The following ANTXRL variants were observed in gnomAD, a reference collection of about 807,000 sequenced individuals.
The protein encoded by ANTXRL is anthrax toxin receptor-like.
A neutral mutation model predicts 75.4 loss-of-function variants in ANTXRL; 63 were observed. That is an observed-to-expected ratio of 0.84 (90% CI 0.68 to 1.03). The LOEUF (loss-of-function observed/expected upper bound fraction) is 1.03. Among genes scored for constraint, ANTXRL ranks in the 50% least tolerant of loss-of-function variants. The probability of loss-of-function intolerance (pLI) is 0.00; values close to 1 mark genes in which losing one functional copy is unlikely to be tolerated. For missense variants in ANTXRL, 797 were observed against 789.4 expected (o/e 1.01, Z -0.12); for synonymous variants, 335 against 291.3 (o/e 1.15, Z -1.53).
Position 46,287,288 on chromosome 10 carries a change from C to T in ANTXRL, c.26C>T (p.Pro9Leu). ...ATGGGGAGCCATGAGTCCCTGGGGC[C>T]CTACTTCCTGGTCTTCCTGCTGCTG... MGSHESLG[P>L]YFLVFLLLLL... is the part of the protein sequence containing the mutation. The change falls in exon 1 of 17, where the codon CCC (proline) becomes CTC (leucine). Residue 9 changes from proline (P) to leucine (L), a missense_variant. Pro to Leu is a moderately conservative substitution (Grantham distance 98). Coordinates refer to ENST00000620264, the MANE Select transcript of ANTXRL (RefSeq NM_001278688.3). The T allele has an allele frequency of 6.5e-7, 1 of 1,535,848 alleles. No homozygotes were observed. Among genetic ancestry groups the T allele is most frequent in the Non-Finnish European group, 8.7e-7 (1 of 1,146,738 alleles).
intron 16 of ANTXRL, 47 bp downstream of exon 16, chr10:46,313,363 T>G: frequency 6.6e-7 from 1 of 1,506,218 alleles, no homozygotes; most frequent in Non-Finnish European, 8.9e-7. Flanking sequence ...AGGCCACTGC[T>G]TTTCCCCTGA....
intron 16 of ANTXRL, among the ~76,000 whole-genome samples, chr10:46,316,345 C>G (rs1554964660): frequency 6.6e-6 from 1 of 152,046 alleles, no homozygotes; most frequent in African/African-American, 2.4e-5. Context: ...ATTCCACAAA[C>G]TAATATATGC....
chr10:46,308,497 A>G, intron 12 of ANTXRL: 2 of 448,874 alleles, frequency 4.5e-6, no homozygotes, highest in Middle Eastern at 3.3e-4. Context: ...GGAAGGCCTG[A>G]GCAGCCTGCC....
intron 12 of ANTXRL, 50 bp from the exon 13 acceptor site, chr10:46,309,063 C>A (rs781818948): frequency 1.0e-5 from 16 of 1,534,620 alleles, no homozygotes; most frequent in Admixed American, 2.0e-5. Flanking sequence ...GTGGTGGGCA[C>A]GGGGAAGAGG....
At chr10:46,294,498 C>G (rs376949998) in intron 3 of ANTXRL, among the ~76,000 whole-genome samples, 2 of 152,054 alleles carry the variant, frequency 1.3e-5, no homozygotes, top group South Asian at 4.1e-4. Flanking sequence ...CCTGTTTGGC[C>G]GGAGGTGAGG....
intron 16 of ANTXRL, among the ~76,000 whole-genome samples, chr10:46,329,037 A>C (rs1839362985): frequency 6.6e-6 from 1 of 152,190 alleles, no homozygotes; most frequent in Admixed American, 6.5e-5. Flanking sequence ...TGTGGCTTGC[A>C]GCTGTGTGGG....
At chr10:46,304,578 T>C (rs1837958048) in intron 10 of ANTXRL, among the ~76,000 whole-genome samples, 2 of 152,182 alleles carry the variant, frequency 1.3e-5, no homozygotes, top group African/African-American at 4.8e-5. Flanking sequence ...TTTTGTGATA[T>C]TTTTGTTATC....
At chr10:46,300,307 C>T (rs782316342) in intron 9 of ANTXRL, among the ~76,000 whole-genome samples, 1 of 152,156 alleles carries the variant, frequency 6.6e-6, no homozygotes, top group Non-Finnish European at 1.5e-5. Flanking sequence ...ACAGAATGAG[C>T]CCTCTCAGCA....
At position 46,329,622 on chromosome 10, in the gene ANTXRL, T is replaced by C. The variant is rs563507335; in HGVS notation, c.1434T>C (p.Leu478=). 26 of 1,536,420 alleles carry C rather than the reference T, an allele frequency of 1.7e-5. No homozygotes were observed. The South Asian group carries it at 3.0e-4, about 18-fold the overall frequency. Residue 478 remains leucine, a synonymous_variant, in exon 17 of 17, where the codon CTT becomes CTC. Transcript: ENST00000620264. The part of the protein sequence containing the change: ...RDQGRYLSLA[L]AQSQYAQAPC... ...AGGGGAGGTACCTCAGCTTAGCCCT[T>C]GCACAGTCCCAATATGCACAGGCTC...
chr10:46,293,136 T>C (rs72790448), intron 2 of ANTXRL: 25,518 of 152,926 alleles, frequency 0.17, 1,814 homozygotes, highest in Non-Finnish European at 0.19. Context: ...TGCAGGTGCC[T>C]GAGTGTGGGT....
At chr10:46,315,360 T>G (rs1374726796) in intron 16 of ANTXRL, among the ~76,000 whole-genome samples, 4 of 152,206 alleles carry the variant, frequency 2.6e-5, no homozygotes, top group Admixed American at 2.0e-4. Context: ...CAGGCTTGGA[T>G]GGGTGGCTCG....
At position 46,329,411 on chromosome 10, in the gene ANTXRL, G is replaced by C. The variant is rs116742057; in HGVS notation, c.1411-188G>C. ...GAGGAAGAGGGGACTTTGAACGCTG[G>C]AGCTGAGTCTGGAAGGAGGAGTCCA... On this transcript the variant is annotated intron_variant, in intron 16 of 16. Transcript: ENST00000620264. 9.9e-3 allele frequency among the ~76,000 whole-genome samples: 1,509 copies of C among 152,226 alleles called. 36 individuals carry two copies. Among genetic ancestry groups the C allele is most frequent in the African/African-American group, 0.032 (1,348 of 41,540 alleles).
At chr10:46,312,923 T>G (rs1482251706) in intron 15 of ANTXRL, among the ~76,000 whole-genome samples, 2 of 152,138 alleles carry the variant, frequency 1.3e-5, no homozygotes, top group African/African-American at 4.8e-5. Flanking sequence ...CAGGCCTAAC[T>G]CATGCTCCCC....
chr10:46,314,428 C>T (rs1838607485), intron 16 of ANTXRL, among the ~76,000 whole-genome samples: 1 of 152,044 alleles, frequency 6.6e-6, no homozygotes, highest in South Asian at 2.1e-4. Context: ...GCCTTATGCA[C>T]TGAACAGGTG....
intron 1 of ANTXRL, among the ~76,000 whole-genome samples, chr10:46,289,244 C>T (rs1836885190): frequency 6.6e-6 from 1 of 152,080 alleles, no homozygotes; most frequent in Admixed American, 6.6e-5. Flanking sequence ...CTATTCTTGG[C>T]CAGGTGACAT....
intron 13 of ANTXRL, among the ~76,000 whole-genome samples, chr10:46,309,562 G>A (rs1192220329): frequency 5.9e-5 from 9 of 152,350 alleles, no homozygotes; most frequent in Non-Finnish European, 8.8e-5. Flanking sequence ...GCCAGGAGGT[G>A]GCCTCTGTGT....
chr10:46,315,772 T>C (rs1340547693), intron 16 of ANTXRL, among the ~76,000 whole-genome samples: 3 of 152,176 alleles, frequency 2.0e-5, no homozygotes, highest in Non-Finnish European at 4.4e-5. Flanking sequence ...TTTCAGCAAA[T>C]CCAAACATTT....
Position 46,287,391 on chromosome 10 carries a change from G to T in ANTXRL, c.129G>T (p.Leu43=). ...CTGACTGGAGAATATTTCACCGCCT[G>T]GCCCTGGGCTCCAGGAGAGCCCACC... The part of the protein sequence containing the change: ...HGPDWRIFHR[L]ALGSRRAHHH... The change falls in exon 1 of 17, where the codon CTG becomes CTT. Residue 43 remains leucine, a synonymous_variant. Coordinates refer to ENST00000620264, the MANE Select transcript of ANTXRL (RefSeq NM_001278688.3). The T allele has an allele frequency of 6.5e-7, 1 of 1,536,026 alleles. No individual in the cohort carries two copies. Among genetic ancestry groups the T allele is most frequent in the Non-Finnish European group, 8.7e-7 (1 of 1,146,774 alleles).
chr10:46,307,384 G>A lies in ANTXRL; in HGVS notation c.966-18G>A. On this transcript the variant is annotated intron_variant, in intron 11 of 16. Coordinates refer to ENST00000620264, the MANE Select transcript of ANTXRL (RefSeq NM_001278688.3). ...CTCTCTGGACTGGCTCTCACCATCT[G>A]CATTTTCTATGCTTTAGGGAGTACT... 1 of 1,524,672 alleles carries A rather than the reference G, an allele frequency of 6.6e-7. No homozygotes were observed. Among genetic ancestry groups the A allele is most frequent in the Non-Finnish European group, 8.8e-7 (1 of 1,136,650 alleles). 94.4% of individuals were successfully genotyped at this position (1,524,672 alleles called of 1,614,324 possible). A position where few individuals can be genotyped will look rare whatever the true frequency, so the allele number is the denominator to read the frequency against.
Sources: gnomAD v4.1 joint callset for allele counts (sites outside exome capture counted in the v4.1 genomes callset) on GRCh38, gnomAD v4.1.1 for gene constraint, MANE v1.5 for transcripts, NCBI Gene and HGNC (gene_info 2026-07-23, HGNC 2026-07-21) for gene names.